The following ROBO1 variants were observed in gnomAD, a reference collection of about 807,000 sequenced individuals.
ROBO1 encodes the protein roundabout homolog 1.
A neutral mutation model predicts 195.9 loss-of-function variants in ROBO1; 149 were observed. That is an observed-to-expected ratio of 0.76 (90% CI 0.67 to 0.87). ROBO1 has a LOEUF of 0.87. Among genes scored for constraint, ROBO1 ranks in the 40% least tolerant of loss-of-function variants. ROBO1 has a pLI of 0.00. For missense variants in ROBO1, 1,933 were observed against 2,068.3 expected (o/e 0.93, Z 1.27); for synonymous variants, 816 against 733.2 (o/e 1.11, Z -1.82).
chr3:79,112,441 G>C (rs1486940303), intron 3 of ROBO1, among the ~76,000 whole-genome samples: 1 of 152,144 alleles, frequency 6.6e-6, no homozygotes, highest in East Asian at 1.9e-4. Context: ...TCATGGAGTG[G>C]TCAATCCAAA....
chr3:78,610,777 A>G (rs975728370), intron 28 of ROBO1, among the ~76,000 whole-genome samples: 2 of 152,284 alleles, frequency 1.3e-5, no homozygotes, highest in African/African-American at 4.8e-5. Context: ...TCCTATATAT[A>G]TTTGTCACTG....
chr3:78,657,068 T>C (rs773368091), intron 18 of ROBO1, 30 bp downstream of exon 18: 17 of 1,559,884 alleles, frequency 1.1e-5, no homozygotes, highest in Middle Eastern at 1.9e-4. Flanking sequence ...GAGTGAGAGA[T>C]TGTCAAACTG....
intron 1 of ROBO1, among the ~76,000 whole-genome samples, chr3:79,601,074 C>G (rs532575771): frequency 5.3e-5 from 8 of 151,804 alleles, no homozygotes; most frequent in African/African-American, 1.9e-4. Flanking sequence ...AAAGAGAGAA[C>G]GAAGTAATCA....
At chr3:79,639,929 G>T (rs1945606934) in intron 1 of ROBO1, among the ~76,000 whole-genome samples, 1 of 152,132 alleles carries the variant, frequency 6.6e-6, no homozygotes, top group Non-Finnish European at 1.5e-5. Flanking sequence ...GATATTTAGT[G>T]AGCATCTGCA....
rs149136415 is a variant in ROBO1 at position 79,497,222 on chromosome 3, G to GT, written c.88+92601dup. Among the ~76,000 whole-genome samples the GT allele has an allele frequency of 5.7e-3, 872 of 152,156 alleles. 7 individuals are homozygous for GT. Among genetic ancestry groups the GT allele is most frequent in the African/African-American group, 0.02 (828 of 41,512 alleles). On this transcript the variant is annotated intron_variant, in intron 2 of 30. Transcript: ENST00000464233. The stretch of plus-strand genomic sequence containing the variant: ...TCGTCTGATACACATTATTTAACCA[G>GT]TTTTTCTTTTTAAAATGGTCTCTGA...
At chr3:79,564,018 T>A (rs1943010676) in intron 2 of ROBO1, among the ~76,000 whole-genome samples, 1 of 148,096 alleles carries the variant, frequency 6.8e-6, no homozygotes, top group Non-Finnish European at 1.5e-5. Context: ...GCCTTTTTTA[T>A]GTGTAAATGG....
intron 3 of ROBO1, among the ~76,000 whole-genome samples, chr3:78,943,428 G>A (rs974477841): frequency 4.6e-5 from 7 of 152,100 alleles, no homozygotes; most frequent in Non-Finnish European, 4.4e-5. Context: ...TCAGGACCAA[G>A]TTTTTACCAT....
intron 1 of ROBO1, among the ~76,000 whole-genome samples, chr3:79,683,650 T>G (rs1267652581): frequency 6.6e-6 from 1 of 152,098 alleles, no homozygotes; most frequent in South Asian, 2.1e-4. Flanking sequence ...CTACTTTCTG[T>G]CTCTATGGAT....
chr3:79,186,989 A>G (rs767096371), intron 2 of ROBO1, among the ~76,000 whole-genome samples: 1 of 152,102 alleles, frequency 6.6e-6, no homozygotes, highest in Non-Finnish European at 1.5e-5. Flanking sequence ...TAAAATGGTG[A>G]AAACATAAAG....
chr3:79,377,467 G>A (rs2036425157), intron 2 of ROBO1, among the ~76,000 whole-genome samples: 1 of 152,112 alleles, frequency 6.6e-6, no homozygotes, highest in Admixed American at 6.5e-5. Context: ...GTAGTAGTTG[G>A]AGATCTAATT....
intron 10 of ROBO1, among the ~76,000 whole-genome samples, chr3:78,675,899 C>T (rs1299501917): frequency 3.9e-5 from 6 of 152,064 alleles, no homozygotes; most frequent in Non-Finnish European, 8.8e-5. Context: ...CCCTGACCCC[C>T]GAGCAGCCTA....
intron 4 of ROBO1, among the ~76,000 whole-genome samples, chr3:78,814,249 T>A (rs1391657425): frequency 6.6e-6 from 1 of 152,116 alleles, no homozygotes; most frequent in Non-Finnish European, 1.5e-5. Flanking sequence ...GTGAGCCACA[T>A]ATGCAATTTA....
Position 79,094,068 on chromosome 3 carries a change from G to A in ROBO1, c.172+31388C>T, listed in dbSNP as rs1348951282. ...TCTTTTCCCTTTGCCATAATGAAAG[G>A]TAATAAAACTCAAAGAGGTTATTCT... On this transcript the variant is annotated intron_variant, in intron 3 of 30. Coordinates refer to ENST00000464233, the MANE Select transcript of ROBO1 (RefSeq NM_002941.4). Among the ~76,000 whole-genome samples, 3 of 151,998 alleles carry A rather than the reference G, an allele frequency of 2.0e-5. No individual in the cohort carries two copies. In the East Asian group the frequency reaches 5.8e-4, roughly 29 times the overall value.
chr3:78,815,793 C>A (rs1326037291), intron 4 of ROBO1, among the ~76,000 whole-genome samples: 2 of 152,150 alleles, frequency 1.3e-5, no homozygotes, highest in Non-Finnish European at 2.9e-5. Flanking sequence ...TGTAATTCTA[C>A]TTCTCTTGTT....
chr3:78,609,572 A>G (rs1360911799), intron 28 of ROBO1, among the ~76,000 whole-genome samples: 1 of 152,148 alleles, frequency 6.6e-6, no homozygotes, highest in African/African-American at 2.4e-5. Flanking sequence ...ACAGATTTCC[A>G]TATGTGTACA....
At chr3:79,617,854 G>A (rs1430948704) in intron 1 of ROBO1, among the ~76,000 whole-genome samples, 5 of 104,238 alleles carry the variant, frequency 4.8e-5, no homozygotes, top group Non-Finnish European at 6.2e-5. Context: ...CAATCCAAGA[G>A]AACCAACACA....
chr3:79,622,613 C>G (rs1945043400), intron 1 of ROBO1, among the ~76,000 whole-genome samples: 1 of 152,180 alleles, frequency 6.6e-6, no homozygotes, highest in African/African-American at 2.4e-5. Flanking sequence ...CCCATCCTTC[C>G]TCATTGGGTT....
chr3:79,439,967 G>A (rs28582990), intron 2 of ROBO1, among the ~76,000 whole-genome samples: 6,894 of 152,092 alleles, frequency 0.045, 216 homozygotes, highest in Non-Finnish European at 0.069. Flanking sequence ...GCTTCATTGA[G>A]GGGTGACATT....
chr3:78,657,092 A>G lies in ROBO1; in HGVS notation c.2614+6T>C. ...ATTGTCAAACTGGATCTGCACTGACACTCACCCAGCTGGATGAACTGAGGC... is the reference window on the plus strand; with the variant it reads ...ATTGTCAAACTGGATCTGCACTGACGCTCACCCAGCTGGATGAACTGAGGC... On this transcript the variant is annotated splice_donor_region_variant and intron_variant, in intron 18 of 30. Coordinates refer to ENST00000464233, the MANE Select transcript of ROBO1 (RefSeq NM_002941.4). 6.2e-7 allele frequency: 1 copy of G among 1,600,024 alleles called. No homozygotes were observed. The highest frequency in any genetic ancestry group is 8.5e-7 in the Non-Finnish European group (1 of 1,173,090).
Sources: gnomAD v4.1 joint callset for allele counts (sites outside exome capture counted in the v4.1 genomes callset) on GRCh38, gnomAD v4.1.1 for gene constraint, MANE v1.5 for transcripts, NCBI Gene and HGNC (gene_info 2026-07-23, HGNC 2026-07-21) for gene names.